Variants in UVRAG observed in about 807,000 individuals in gnomAD.
UVRAG encodes UV radiation resistance associated, also known as UV radiation resistance-associated gene protein.
UVRAG carries 19 observed loss-of-function variants against 78.0 expected under a neutral mutation model. The ratio of observed to expected loss-of-function variants is 0.24; its 90% CI spans 0.17 to 0.36. The LOEUF (loss-of-function observed/expected upper bound fraction) is 0.36. Ranked by LOEUF, UVRAG falls within the 10% of genes least tolerant of loss-of-function variation. The probability of loss-of-function intolerance (pLI) is 1.00; values close to 1 mark genes in which losing one functional copy is unlikely to be tolerated. For missense variants in UVRAG, 740 were observed against 853.8 expected, an observed-to-expected ratio of 0.87 and a Z score of 1.66; for synonymous variants, 323 against 324.6, an observed-to-expected ratio of 1.00 and a Z score of 0.05.
chr11:75,857,492 C>A (rs964284891), intron 2 of UVRAG, among the ~76,000 whole-genome samples: 4 of 151,406 alleles, frequency 2.6e-5, no homozygotes, highest in South Asian at 2.1e-4. Flanking sequence ...TCTTTTTCCC[C>A]CCCCCTTTTT....
intron 3 of UVRAG, among the ~76,000 whole-genome samples, chr11:75,863,952 AGTT>A (rs1946480479): frequency 6.6e-6 from 1 of 151,998 alleles, no homozygotes; most frequent in Non-Finnish European, 1.5e-5. Flanking sequence ...TCTATTGGGT[AGTT>A]GTTTGACAAA....
chr11:76,088,258 G>A (rs951857050), intron 13 of UVRAG, among the ~76,000 whole-genome samples: 1 of 152,100 alleles, frequency 6.6e-6, no homozygotes, highest in African/African-American at 2.4e-5. Flanking sequence ...TCCATTGGCT[G>A]ATTTTTGTCA....
intron 4 of UVRAG, among the ~76,000 whole-genome samples, chr11:75,882,892 A>T (rs7933675): frequency 0.03 from 4,492 of 152,254 alleles, 229 homozygotes; most frequent in African/African-American, 0.1. Flanking sequence ...AACATTTTTT[A>T]AAAAATCTTA....
intron 14 of UVRAG, among the ~76,000 whole-genome samples, chr11:76,128,840 A>C (rs1166351893): frequency 6.6e-6 from 1 of 151,864 alleles, no homozygotes; most frequent in Non-Finnish European, 1.5e-5. Context: ...GTTTTGTTTT[A>C]TTTTGTTTTA....
chr11:76,115,871 C>T lies in UVRAG; in HGVS notation c.1306-53C>T, dbSNP rs575196738. On this transcript the variant is annotated intron_variant, in intron 13 of 14. Coordinates refer to ENST00000356136, the MANE Select transcript of UVRAG (RefSeq NM_003369.4). ...TAACTTGTTTAGTGGTTCATTTTTCCGAAGCTTATAATCTGCCAAAATATC... is the reference window on the plus strand; with the variant it reads ...TAACTTGTTTAGTGGTTCATTTTTCTGAAGCTTATAATCTGCCAAAATATC... 3.6e-5 allele frequency: 56 copies of T among 1,544,760 alleles called. No individual in the cohort carries two copies. In the African/African-American group the frequency reaches 4.0e-4, roughly 11 times the overall value.
At chr11:76,140,143 CT>C (rs1278480305) in intron 14 of UVRAG, among the ~76,000 whole-genome samples, 4 of 106,584 alleles carry the variant, frequency 3.8e-5, no homozygotes, top group East Asian at 3.3e-4. Flanking sequence ...CTCTCTCTCT[CT>C]CTCTCCCTCC....
intron 13 of UVRAG, among the ~76,000 whole-genome samples, chr11:76,080,460 T>C (rs1951475291): frequency 6.6e-6 from 1 of 152,042 alleles, no homozygotes; most frequent in African/African-American, 2.4e-5. Flanking sequence ...TCTACTTACC[T>C]TTTTATTTAT....
intron 8 of UVRAG, among the ~76,000 whole-genome samples, chr11:75,997,162 G>A (rs1009635783): frequency 6.6e-6 from 1 of 152,200 alleles, no homozygotes; most frequent in East Asian, 1.9e-4. Context: ...AGGCATTTCT[G>A]CAGGGAAGGA....
At chr11:76,026,558 C>T (rs1950329746) in intron 12 of UVRAG, among the ~76,000 whole-genome samples, 1 of 152,140 alleles carries the variant, frequency 6.6e-6, no homozygotes, top group South Asian at 2.1e-4. Context: ...TCATTTCCAA[C>T]TCTCTTCTGT....
chr11:75,895,375 A>G (rs1947318810), intron 5 of UVRAG, among the ~76,000 whole-genome samples: 1 of 152,120 alleles, frequency 6.6e-6, no homozygotes, highest in African/African-American at 2.4e-5. Context: ...GCTTCTCCCA[A>G]AGGCTTTACA....
intron 1 of UVRAG, among the ~76,000 whole-genome samples, chr11:75,823,374 G>C (rs761087601): frequency 6.6e-6 from 1 of 152,080 alleles, no homozygotes; most frequent in Non-Finnish European, 1.5e-5. Flanking sequence ...AAATTATTTG[G>C]AATTTTTCTG....
intron 6 of UVRAG, among the ~76,000 whole-genome samples, chr11:75,942,856 A>G (rs1948512890): frequency 6.6e-6 from 1 of 152,132 alleles, no homozygotes; most frequent in African/African-American, 2.4e-5. Flanking sequence ...GCAGCATGAA[A>G]GGTCCTTTGT....
Position 75,954,742 on chromosome 11 carries a change from C to T in UVRAG, c.594-6702C>T, listed in dbSNP as rs370645867. Among the ~76,000 whole-genome samples the T allele has an allele frequency of 6.8e-4, 103 of 152,252 alleles. 1 individual carries two copies. The highest frequency in any genetic ancestry group is 2.4e-3 in the African/African-American group (101 of 41,546). On this transcript the variant is annotated intron_variant, in intron 6 of 14. Transcript: ENST00000356136. ...ACCTTAGAAGATGAAATTTATTTTT[C>T]CCCCAGAAAGATCTGGTGAAATAGG...
intron 1 of UVRAG, among the ~76,000 whole-genome samples, chr11:75,842,432 CCTTTTCTTT>C (rs1945935554): frequency 6.7e-6 from 1 of 150,260 alleles, no homozygotes; most frequent in African/African-American, 2.5e-5. Context: ...CTGTGACCTG[CCTTTTCTTT>C]CTTTTTTTTT....
At chr11:76,078,678 C>T (rs961503340) in intron 13 of UVRAG, among the ~76,000 whole-genome samples, 4 of 141,396 alleles carry the variant, frequency 2.8e-5, no homozygotes, top group South Asian at 2.3e-4. Context: ...CCGAGGTGTG[C>T]GGATCACGAG....
At chr11:75,954,583 A>G (rs1054639644) in intron 6 of UVRAG, among the ~76,000 whole-genome samples, 3 of 152,192 alleles carry the variant, frequency 2.0e-5, no homozygotes, top group Admixed American at 6.5e-5. Context: ...TGATCTTCCA[A>G]TTAATCTCCC....
At chr11:75,876,109 C>A (rs929637893) in intron 3 of UVRAG, among the ~76,000 whole-genome samples, 2 of 152,152 alleles carry the variant, frequency 1.3e-5, no homozygotes, top group East Asian at 3.8e-4. Flanking sequence ...TCTCCACTTA[C>A]CTCTCTGGGT....
intron 7 of UVRAG, among the ~76,000 whole-genome samples, chr11:75,969,543 C>T (rs763513316): frequency 7.2e-5 from 11 of 152,022 alleles, no homozygotes; most frequent in Non-Finnish European, 1.0e-4. Context: ...TAGAAGCATG[C>T]AGTAGGGCCT....
chr11:75,921,483 T>G (rs1947978809), intron 6 of UVRAG, among the ~76,000 whole-genome samples: 2 of 152,194 alleles, frequency 1.3e-5, no homozygotes, highest in African/African-American at 4.8e-5. Context: ...TTCCCAAATC[T>G]GACAATTACA....
Sources: allele counts gnomAD v4.1 joint callset (sites outside exome capture counted in the v4.1 genomes callset), GRCh38; gene constraint gnomAD v4.1.1; transcripts MANE v1.5; gene names NCBI Gene and HGNC (gene_info 2026-07-23, HGNC 2026-07-21).